Variants in METTL21C observed in about 807,000 individuals in gnomAD.
METTL21C encodes the protein methyltransferase 21C, AARS1 lysine, also known as protein-lysine methyltransferase METTL21C.
METTL21C carries 21 observed loss-of-function variants against 25.9 expected under a neutral mutation model. The observed-to-expected ratio is 0.81, with a 90% CI of 0.58 to 1.17. The LOEUF (loss-of-function observed/expected upper bound fraction) is 1.17. Among genes scored for constraint, METTL21C ranks in the 50% most tolerant of loss-of-function variants. The pLI is 0.00. For missense variants in METTL21C, 312 were observed against 315.1 expected, an observed-to-expected ratio of 0.99 and a Z score of 0.07; for synonymous variants, 125 against 124.7, an observed-to-expected ratio of 1.00 and a Z score of -0.01.
intron 3 of METTL21C, 55 bp downstream of exon 3, chr13:102,686,885 G>T: frequency 1.4e-6 from 2 of 1,382,132 alleles, no homozygotes; most frequent in Non-Finnish European, 2.1e-6. Context: ...GTAAGCACTT[G>T]CTATTGTTGT....
chr13:102,703,081 C>T, the METTL21C span, among the ~76,000 whole-genome samples: 1 of 152,208 alleles, frequency 6.6e-6, no homozygotes, highest in Non-Finnish European at 1.5e-5. Context: ...AATAAATACT[C>T]TCATTGCAGT....
At chr13:102,689,481 A>G (rs897039303) in intron 2 of METTL21C, among the ~76,000 whole-genome samples, 7 of 152,252 alleles carry the variant, frequency 4.6e-5, no homozygotes, top group Admixed American at 3.9e-4. Flanking sequence ...TGCCATCGCC[A>G]GATGACCTGA....
intron 3 of METTL21C, 101 bp from the exon 4 acceptor site, chr13:102,686,526 G>C: frequency 7.3e-7 from 1 of 1,376,014 alleles, no homozygotes; most frequent in South Asian, 1.5e-5. Context: ...CTTAGCCTTG[G>C]CTCTATTGGT....
chr13:102,690,559 C>T (rs564446241), intron 2 of METTL21C, among the ~76,000 whole-genome samples: 1 of 152,208 alleles, frequency 6.6e-6, no homozygotes, highest in African/African-American at 2.4e-5. Flanking sequence ...TTCACTTCCT[C>T]ATATAGCTGA....
rs538752311 is a variant in METTL21C, at chr13:102,694,648, G to A, written c.-150C>T. On this transcript the variant is annotated 5_prime_UTR_variant, in exon 1 of 4. Coordinates refer to ENST00000267273, the MANE Select transcript of METTL21C (RefSeq NM_001010977.3). ...CAGAATTGGAAATGACTCCTTGTTA[G>A]TATGCCCAAAATAATTTTGAATTGT... The A allele has an allele frequency of 4.4e-6, 1 of 227,590 alleles. No individual in the cohort carries two copies. The highest frequency in any genetic ancestry group is 7.8e-6 in the Non-Finnish European group (1 of 128,926). 14.1% of individuals were successfully genotyped at this position (227,590 alleles called of 1,614,324 possible).
At chr13:102,687,149 C>T in intron 2 of METTL21C, 92 bp from the exon 3 acceptor site, 1 of 860,494 alleles carries the variant, frequency 1.2e-6, no homozygotes, top group Non-Finnish European at 1.9e-6. Context: ...TACTAAAAGA[C>T]ATGTTATTAC....
chr13:102,693,112 A>T (rs1885870731), intron 1 of METTL21C, among the ~76,000 whole-genome samples: 1 of 152,180 alleles, frequency 6.6e-6, no homozygotes. Flanking sequence ...CTGGGGAAAG[A>T]CGTGCAGTAC....
upstream of METTL21C, among the ~76,000 whole-genome samples, chr13:102,698,421 A>G (rs1007112502): frequency 3.9e-5 from 6 of 152,206 alleles, no homozygotes; most frequent in Non-Finnish European, 8.8e-5. Context: ...TTAGAATCAG[A>G]TAGACCCTGT....
intron 2 of METTL21C, among the ~76,000 whole-genome samples, chr13:102,687,600 AACAG>A (rs1269365951): frequency 6.6e-6 from 1 of 152,204 alleles, no homozygotes; most frequent in African/African-American, 2.4e-5. Flanking sequence ...TCTTCTAAGA[AACAG>A]ACAGTTCAGA....
chr13:102,694,928 A>G lies in METTL21C; in HGVS notation c.-430T>C, dbSNP rs1861850758. On this transcript the variant is annotated 5_prime_UTR_variant, in exon 1 of 4. Coordinates refer to ENST00000267273, the MANE Select transcript of METTL21C (RefSeq NM_001010977.3). ...CACACACACACACACACACACACAC[A>G]CGCACAGTCCTAGCAACATTCAATG... Among the ~76,000 whole-genome samples, 2 of 146,308 alleles carry G rather than the reference A, an allele frequency of 1.4e-5. No homozygotes were observed. Among genetic ancestry groups the G allele is most frequent in the Admixed American group, 6.9e-5 (1 of 14,516 alleles).
chr13:102,696,140 GATAGAAAC>G (rs774904549), upstream of METTL21C, among the ~76,000 whole-genome samples: 2 of 151,876 alleles, frequency 1.3e-5, no homozygotes, highest in Non-Finnish European at 2.9e-5. Flanking sequence ...AATGTGACTT[GATAGAAAC>G]ATGTACCTCT....
At position 102,686,019 on chromosome 13, in the gene METTL21C, A is replaced by G; in HGVS notation, c.*12T>C. ...AAGACACAGTAACGTTGTGAAAGGC[A>G]TTTTGTTGGATTTAGTCCCATTTTA... is the stretch of plus-strand genomic sequence containing the variant. On this transcript the variant is annotated 3_prime_UTR_variant, in exon 4 of 4. Transcript: ENST00000267273. 1 of 1,549,756 alleles carries G rather than the reference A, an allele frequency of 6.5e-7. No homozygotes were observed.
intron 3 of METTL21C, among the ~76,000 whole-genome samples, chr13:102,686,685 C>T (rs1331545283): frequency 6.6e-6 from 1 of 152,176 alleles, no homozygotes; most frequent in African/African-American, 2.4e-5. Context: ...GTGGGATTGA[C>T]AACAGAGATT....
chr13:102,690,993 C>A (rs1052382267), intron 1 of METTL21C, 29 bp from the exon 2 acceptor site: 3 of 1,611,192 alleles, frequency 1.9e-6, no homozygotes, highest in South Asian at 2.2e-5. Flanking sequence ...AAATGGAGTT[C>A]ATGATTTGTT....
upstream of METTL21C, among the ~76,000 whole-genome samples, chr13:102,699,805 C>T (rs1886005011): frequency 1.3e-5 from 2 of 152,154 alleles, no homozygotes; most frequent in South Asian, 2.1e-4. Flanking sequence ...CTGCAATACC[C>T]CCCCGACCCA....
intron 1 of METTL21C, among the ~76,000 whole-genome samples, chr13:102,694,124 G>GA (rs139461320): frequency 0.025 from 3,815 of 151,382 alleles, 150 homozygotes; most frequent in South Asian, 0.084. Context: ...TCTATACATA[G>GA]AAAAAAAACA....
At position 102,690,983 on chromosome 13, in the gene METTL21C, A is replaced by G. The variant is rs73583332; in HGVS notation, c.131-19T>C. ...TTGGATTCTGTGAAGCAGAAAAATA[A>G]AATGGAGTTCATGATTTGTTCAAAT... On this transcript the variant is annotated intron_variant, in intron 1 of 3. Transcript: ENST00000267273. 0.022 allele frequency: 34,851 copies of G among 1,612,232 alleles called. 1,143 individuals are homozygous for G. The highest frequency in any genetic ancestry group is 0.15 in the African/African-American group (11,563 of 74,908).
the METTL21C span, among the ~76,000 whole-genome samples, chr13:102,702,232 AAGAGAG>A: frequency 2.0e-5 from 3 of 149,440 alleles, no homozygotes; most frequent in African/African-American, 7.6e-5. Context: ...GAGAGACAGA[AAGAGAG>A]AGAGAGACTT....
At position 102,694,890 on chromosome 13, in the gene METTL21C, T is replaced by TCACA. The variant is rs1297800145; in HGVS notation, c.-393_-392insTGTG. ...CTCTCTCTTTCTCTCTCTCTCTCTC[T>TCACA]CTCTCTCTCTCACACACACACACAC... On this transcript the variant is annotated 5_prime_UTR_variant, in exon 1 of 4. Transcript: ENST00000267273. Among the ~76,000 whole-genome samples, 78 of 134,690 alleles carry TCACA rather than the reference T, an allele frequency of 5.8e-4. No homozygotes were observed. The highest frequency in any genetic ancestry group is 2.3e-3 in the African/African-American group (74 of 32,046). 88.4% of individuals were successfully genotyped at this position (134,690 alleles called of 152,430 possible).
Sources: allele counts gnomAD v4.1 joint callset (sites outside exome capture counted in the v4.1 genomes callset), GRCh38; gene constraint gnomAD v4.1.1; transcripts MANE v1.5; gene names NCBI Gene and HGNC (gene_info 2026-07-23, HGNC 2026-07-21).